SNAP91: variants seen among roughly 807,000 people sequenced by gnomAD.
SNAP91 encodes synaptosome associated protein 91.
A neutral mutation model predicts 100.3 loss-of-function variants in SNAP91; 27 were observed. The observed-to-expected ratio is 0.27, with a 90% CI of 0.20 to 0.37. The LOEUF (loss-of-function observed/expected upper bound fraction) is 0.37. Ranked by LOEUF, SNAP91 falls within the 10% of genes least tolerant of loss-of-function variation. The pLI is 1.00. For missense variants in SNAP91, 986 were observed against 1,123.7 expected (o/e 0.88, Z 1.75); for synonymous variants, 404 against 398.6 (o/e 1.01, Z -0.16).
chr6:83,662,835 C>T (rs568293635), intron 3 of SNAP91, among the ~76,000 whole-genome samples: 6 of 152,090 alleles, frequency 3.9e-5, no homozygotes, highest in African/African-American at 1.4e-4. Context: ...ATGGTATATC[C>T]ATTTTTTGAA....
At chr6:83,601,186 A>G in intron 16 of SNAP91, 85 bp downstream of exon 16, 25 of 1,301,354 alleles carry the variant, frequency 1.9e-5, no homozygotes, top group Non-Finnish European at 2.7e-5. Context: ...ATGCTGTTAC[A>G]TAACGGAAAA....
At chr6:83,670,763 T>A (rs1224837118) in intron 2 of SNAP91, among the ~76,000 whole-genome samples, 1 of 151,964 alleles carries the variant, frequency 6.6e-6, no homozygotes, top group Non-Finnish European at 1.5e-5. Context: ...AAAAAACTAT[T>A]CTTTCTCCAG....
chr6:83,691,776 G>A (rs1019299704), intron 2 of SNAP91, among the ~76,000 whole-genome samples: 8 of 151,880 alleles, frequency 5.3e-5, no homozygotes, highest in Non-Finnish European at 1.5e-5. Flanking sequence ...AATAATCTTC[G>A]TTAACAAAAA....
intron 14 of SNAP91, among the ~76,000 whole-genome samples, chr6:83,603,740 T>C (rs1460813526): frequency 6.6e-6 from 1 of 152,074 alleles, no homozygotes; most frequent in African/African-American, 2.4e-5. Context: ...GACTATAGAG[T>C]TCTGGCTGGA....
chr6:83,556,721 T>C (rs1779462399), intron 28 of SNAP91, among the ~76,000 whole-genome samples: 1 of 152,222 alleles, frequency 6.6e-6, no homozygotes, highest in African/African-American at 2.4e-5. Flanking sequence ...CTTTCAGTCA[T>C]TAGTACCTCT....
At chr6:83,562,982 CTG>C (rs1433394830) in intron 26 of SNAP91, among the ~76,000 whole-genome samples, 1 of 152,200 alleles carries the variant, frequency 6.6e-6, no homozygotes, top group East Asian at 1.9e-4. Context: ...TATGCCTCCT[CTG>C]TGTCTCACTT....
chr6:83,611,212 C>G (rs565608231), intron 11 of SNAP91, among the ~76,000 whole-genome samples: 6 of 152,138 alleles, frequency 3.9e-5, no homozygotes, highest in Admixed American at 3.9e-4. Context: ...TTTCCCCCCC[C>G]ATGGCTGTAA....
chr6:83,596,459 T>C (rs886526975), intron 16 of SNAP91, among the ~76,000 whole-genome samples: 1 of 152,170 alleles, frequency 6.6e-6, no homozygotes, highest in African/African-American at 2.4e-5. Flanking sequence ...TTGTTTTATT[T>C]TTTTTTGGTT....
At chr6:83,561,699 C>G (rs1367175398) in intron 26 of SNAP91, among the ~76,000 whole-genome samples, 1 of 152,080 alleles carries the variant, frequency 6.6e-6, no homozygotes, top group Non-Finnish European at 1.5e-5. Flanking sequence ...CTATATGGCT[C>G]TAATTTGTAT....
intron 12 of SNAP91, among the ~76,000 whole-genome samples, chr6:83,609,322 T>G (rs2095843541): frequency 6.6e-6 from 1 of 152,220 alleles, no homozygotes; most frequent in Middle Eastern, 3.2e-3. Context: ...GCCACAATTT[T>G]ACGACACTCT....
At chr6:83,625,070 G>A (rs533573540) in intron 8 of SNAP91, among the ~76,000 whole-genome samples, 3 of 152,068 alleles carry the variant, frequency 2.0e-5, no homozygotes, top group Admixed American at 2.0e-4. Flanking sequence ...GGAGGCCCCA[G>A]TGTCTACTGT....
At chr6:83,607,221 G>T (rs1057064506) in intron 13 of SNAP91, among the ~76,000 whole-genome samples, 20 of 152,000 alleles carry the variant, frequency 1.3e-4, no homozygotes, top group African/African-American at 3.9e-4. Context: ...GTTCTGATCT[G>T]TAGGTTCTAT....
rs5877861 is a variant in SNAP91, at chr6:83,678,949, G to GAA, written c.131-13370_131-13369dup. 3,698 of 845,228 alleles carry GAA rather than the reference G, an allele frequency of 4.4e-3. 1 individual carries two copies. Among genetic ancestry groups the GAA allele is most frequent in the South Asian group, 0.013 (417 of 33,304 alleles). 52.4% of individuals were successfully genotyped at this position (845,228 alleles called of 1,614,324 possible). The stretch of plus-strand genomic sequence containing the variant: ...GAAAGAAATAATATCTAAGTGAAAT[G>GAA]AAAAAAAAAAATACAGCTGGCCTTC... On this transcript the variant is annotated intron_variant, in intron 2 of 29. Coordinates refer to ENST00000369694, the MANE Select transcript of SNAP91 (RefSeq NM_001242792.2).
At chr6:83,563,728 G>A (rs923051601) in intron 26 of SNAP91, among the ~76,000 whole-genome samples, 9 of 151,962 alleles carry the variant, frequency 5.9e-5, no homozygotes, top group African/African-American at 1.9e-4. Context: ...ATGAATAATC[G>A]AAAAATTTAA....
At chr6:83,630,256 T>TTTG (rs1281165813) in intron 8 of SNAP91, among the ~76,000 whole-genome samples, 1 of 152,166 alleles carries the variant, frequency 6.6e-6, no homozygotes, top group Non-Finnish European at 1.5e-5. Flanking sequence ...TAGCCAGTAT[T>TTTG]TTGTTAAGGA....
intron 26 of SNAP91, among the ~76,000 whole-genome samples, chr6:83,566,895 T>G (rs1413907961): frequency 6.6e-6 from 1 of 152,278 alleles, no homozygotes; most frequent in Admixed American, 6.5e-5. Flanking sequence ...CAATAAAAGT[T>G]CATGGTCCAC....
chr6:83,660,757 T>C (rs1244457595), intron 5 of SNAP91, among the ~76,000 whole-genome samples: 1 of 151,696 alleles, frequency 6.6e-6, no homozygotes, highest in Non-Finnish European at 1.5e-5. Flanking sequence ...AAAATATTTA[T>C]ATAGCTATTG....
At chr6:83,595,998 T>A (rs1333872810) in intron 16 of SNAP91, among the ~76,000 whole-genome samples, 1 of 152,218 alleles carries the variant, frequency 6.6e-6, no homozygotes, top group African/African-American at 2.4e-5. Flanking sequence ...GTTATTCATA[T>A]CTTATGGATT....
chr6:83,701,467 CAA>C (rs2099308732), intron 2 of SNAP91, among the ~76,000 whole-genome samples: 1 of 147,614 alleles, frequency 6.8e-6, no homozygotes, highest in African/African-American at 2.5e-5. Context: ...TTTTTTGAGA[CAA>C]AGTCTCACTC....
Sources: allele counts gnomAD v4.1 joint callset (sites outside exome capture counted in the v4.1 genomes callset), GRCh38; gene constraint gnomAD v4.1.1; transcripts MANE v1.5; gene names NCBI Gene and HGNC (gene_info 2026-07-23, HGNC 2026-07-21).